The following KRTAP4-6 variants were observed in gnomAD, a reference collection of about 807,000 sequenced individuals.
KRTAP4-6 encodes the protein keratin associated protein 4-6.
KRTAP4-6 carries 1 observed loss-of-function variant against 3.6 expected under a neutral mutation model. The observed-to-expected ratio is 0.28, with a 90% CI of 0.10 to 1.32. The LOEUF (loss-of-function observed/expected upper bound fraction) is 1.32. Among genes scored for constraint, KRTAP4-6 ranks in the 40% most tolerant of loss-of-function variants. The probability of loss-of-function intolerance (pLI) is 0.45; values close to 1 mark genes in which losing one functional copy is unlikely to be tolerated. For synonymous variants in KRTAP4-6, 97 were observed against 96.7 expected (o/e 1.00, Z -0.02); for missense variants, 275 against 280.3 (o/e 0.98, Z 0.14).
chr17:41,140,026 G>A (rs1304356304), exon 1 of KRTAP4-6: 23 of 1,604,604 alleles, frequency 1.4e-5, no homozygotes, highest in Non-Finnish European at 1.9e-5. Flanking sequence ...TGGATTCACA[G>A]CAAGAGGGGC....
upstream of KRTAP4-6, chr17:41,140,489 G>C: frequency 6.2e-7 from 1 of 1,608,926 alleles, no homozygotes; most frequent in Non-Finnish European, 8.5e-7. Context: ...GCTGACCATG[G>C]TGTCAGAGGG....
At chr17:41,139,934 T>A in exon 1 of KRTAP4-6, 1 of 1,606,062 alleles carries the variant, frequency 6.2e-7, no homozygotes, top group Non-Finnish European at 8.5e-7. Context: ...GGTTGGGCGA[T>A]AGCAAGTGGT....
rs745314612 is a variant in KRTAP4-6 at position 41,140,270 on chromosome 17, G to A, written c.218C>T (p.Thr73Ile). ...GCGGCAGCAGGTGGTCCTGCAGCAG[G>A]TGGTCTGACAGCAGCTGGGACAGCA... Residue 73 changes from threonine to isoleucine, a missense_variant, in exon 1 of 1, where the codon ACC (threonine) becomes ATC (isoleucine). Physicochemically the swap from Thr to Ile is moderately conservative, Grantham distance 89 (BLOSUM62 -1). Transcript: ENST00000345847. 4 of 1,603,706 alleles carry A rather than the reference G, an allele frequency of 2.5e-6. No individual in the cohort carries two copies. The highest frequency in any genetic ancestry group is 2.2e-5 in the South Asian group (2 of 90,688).
At chr17:41,140,214 G>A (rs35985080) in exon 1 of KRTAP4-6, 112,690 of 1,603,444 alleles carry the variant, frequency 0.07, 4,196 homozygotes, top group South Asian at 0.08. Context: ...CAGCACTGGG[G>A]TCTGCAGCAG....
exon 1 of KRTAP4-6, chr17:41,140,014 G>A (rs537470540): frequency 1.9e-5 from 31 of 1,602,616 alleles, no homozygotes; most frequent in Non-Finnish European, 2.5e-5. Context: ...GGCGGCAGCA[G>A]CTGGATTCAC....
exon 1 of KRTAP4-6, chr17:41,140,165 C>T: frequency 6.7e-7 from 1 of 1,483,142 alleles, no homozygotes. Context: ...GATGCTGCAG[C>T]TGGGACGGCA....
In KRTAP4-6 at chr17:41,139,918, GAC is replaced by G. The variant is rs777140865; in HGVS notation, c.568_569del (p.Val190HisfsTer40). ...ACAAGGGACGGGGGCAGGTGGAAAT[GAC>G]ACAGGTTGGGCGATAGCAAGTGGTG... is the stretch of plus-strand genomic sequence containing the variant. On this transcript the variant is annotated frameshift_variant, in exon 1 of 1. Coordinates refer to ENST00000345847, the Ensembl canonical transcript of KRTAP4-6. LOFTEE classifies it high-confidence loss of function. 1.9e-6 allele frequency: 3 copies of G among 1,602,632 alleles called. No homozygotes were observed. The East Asian group carries it at 6.8e-5, about 36-fold the overall frequency.
At chr17:41,140,279 C>A in exon 1 of KRTAP4-6, 3 of 1,586,642 alleles carry the variant, frequency 1.9e-6, no homozygotes, top group Non-Finnish European at 2.6e-6. Context: ...GGTGGTCTGA[C>A]AGCAGCTGGG....
exon 1 of KRTAP4-6, chr17:41,140,186 T>C (rs399121): frequency 6.3e-6 from 10 of 1,581,456 alleles, no homozygotes; most frequent in Non-Finnish European, 7.8e-6. Flanking sequence ...GCAAGTGGGC[T>C]GGCAGCACAC....
exon 1 of KRTAP4-6, chr17:41,139,702 G>A (rs1422916009): frequency 9.6e-7 from 1 of 1,038,530 alleles, no homozygotes; most frequent in East Asian, 2.6e-5. Context: ...GTCAACATGG[G>A]GAACATATAT....
At chr17:41,140,422 G>A (rs752361279) in exon 1 of KRTAP4-6, 171 of 1,613,640 alleles carry the variant, frequency 1.1e-4, no homozygotes, top group Non-Finnish European at 1.4e-4. Context: ...AGCAGCTGGG[G>A]CGGCAGCAGG....
exon 1 of KRTAP4-6, chr17:41,140,429 C>T (rs1200583088): frequency 6.2e-7 from 1 of 1,614,098 alleles, no homozygotes; most frequent in Middle Eastern, 1.6e-4. Flanking sequence ...GGGGCGGCAG[C>T]AGGTCTCCAG....
exon 1 of KRTAP4-6, chr17:41,139,517 T>G: frequency 3.0e-6 from 1 of 335,928 alleles, no homozygotes; most frequent in Non-Finnish European, 5.4e-6. Flanking sequence ...AAATACAGGG[T>G]GAAACAATCA....
chr17:41,140,345 G>C (rs1450505338), exon 1 of KRTAP4-6: 1 of 1,613,344 alleles, frequency 6.2e-7, no homozygotes, highest in Non-Finnish European at 8.5e-7. Context: ...GCAGCACTGG[G>C]GTCTGCAGCA....
chr17:41,140,054 C>T, exon 1 of KRTAP4-6: 1 of 1,613,688 alleles, frequency 6.2e-7, no homozygotes, highest in Non-Finnish European at 8.5e-7. Flanking sequence ...GCTGGAGATG[C>T]AGCAGCTGGG....
At chr17:41,139,543 G>T in exon 1 of KRTAP4-6, 1 of 400,324 alleles carries the variant, frequency 2.5e-6, no homozygotes, top group Non-Finnish European at 4.4e-6. Context: ...TCAAATCTGA[G>T]AGTGAGACAA....
exon 1 of KRTAP4-6, chr17:41,140,226 T>C (rs768412782): frequency 3.1e-5 from 50 of 1,593,072 alleles, no homozygotes; most frequent in Non-Finnish European, 4.0e-5. Flanking sequence ...CTGCAGCAGC[T>C]GGATACACAG....
chr17:41,139,887 C>T (rs1441467392), exon 1 of KRTAP4-6: 1 of 1,588,758 alleles, frequency 6.3e-7, no homozygotes. Flanking sequence ...CAAGAGGAGG[C>T]ACAGCACAAG....
exon 1 of KRTAP4-6, chr17:41,139,526 C>A: frequency 5.5e-6 from 2 of 364,598 alleles, no homozygotes; most frequent in Non-Finnish European, 9.8e-6. Flanking sequence ...GTGAAACAAT[C>A]AGACTTTCAA....
Sources: gnomAD v4.1 joint callset for allele counts on GRCh38, gnomAD v4.1.1 for gene constraint, MANE v1.5 for transcripts, NCBI Gene and HGNC (gene_info 2026-07-23, HGNC 2026-07-21) for gene names.